Variants in SETD5 observed in about 807,000 individuals in gnomAD.
The protein encoded by SETD5 is histone-lysine N-methyltransferase SETD5.
Under a neutral mutation model 153.3 loss-of-function variants are expected in SETD5, and 44 were observed. The ratio of observed to expected loss-of-function variants is 0.29; its 90% CI spans 0.23 to 0.37. The LOEUF (loss-of-function observed/expected upper bound fraction) is 0.37, where lower values mean the gene tolerates loss of function less well. Ranked by LOEUF, SETD5 falls within the 10% of genes least tolerant of loss-of-function variation. The probability of loss-of-function intolerance (pLI) is 1.00; values close to 1 mark genes in which losing one functional copy is unlikely to be tolerated. For synonymous variants in SETD5, 716 were observed against 645.2 expected, an observed-to-expected ratio of 1.11 and a Z score of -1.66; for missense variants, 1,544 against 1,768.0, an observed-to-expected ratio of 0.87 and a Z score of 2.27.
chr3:9,441,226 G>A (rs551134337), intron 8 of SETD5, among the ~76,000 whole-genome samples: 114 of 152,198 alleles, frequency 7.5e-4, no homozygotes, highest in African/African-American at 2.6e-3. Context: ...AAAACAGAGA[G>A]AGAGATGACT....
chr3:9,447,029 A>G, intron 13 of SETD5, 21 bp from the exon 14 acceptor site: 1 of 1,587,134 alleles, frequency 6.3e-7, no homozygotes. Flanking sequence ...TTCCTTCTAC[A>G]CCAGTACTAT....
At chr3:9,413,290 G>A (rs1200998777) in intron 1 of SETD5, among the ~76,000 whole-genome samples, 3 of 152,176 alleles carry the variant, frequency 2.0e-5, no homozygotes, top group Non-Finnish European at 4.4e-5. Flanking sequence ...ATTCTGGAGA[G>A]CATTCCTGAA....
At chr3:9,440,355 A>G (rs2125168374) in intron 7 of SETD5, 101 bp from the exon 8 acceptor site, 1 of 661,160 alleles carries the variant, frequency 1.5e-6, no homozygotes, top group African/African-American at 1.8e-5. Flanking sequence ...TCAATTGCCA[A>G]GTGATAAATT....
intron 7 of SETD5, among the ~76,000 whole-genome samples, chr3:9,439,704 G>T (rs1466863081): frequency 6.6e-6 from 1 of 152,184 alleles, no homozygotes; most frequent in Admixed American, 6.5e-5. Flanking sequence ...TGTCACCATA[G>T]AGGGCAATGG....
chr3:9,447,847 G>A lies in SETD5; in HGVS notation c.1944G>A (p.Leu648=). The A allele has an allele frequency of 6.2e-7, 1 of 1,613,994 alleles. No individual in the cohort carries two copies. Among genetic ancestry groups the A allele is most frequent in the Non-Finnish European group, 8.5e-7 (1 of 1,179,898 alleles). The change falls in exon 15 of 23, where the codon TTG becomes TTA. Residue 648 remains leucine (L), a synonymous_variant. Coordinates refer to ENST00000402198, the MANE Select transcript of SETD5 (RefSeq NM_001080517.3). ...AGGCAGAATTGTCACAAGCTGCCTT[G>A]GAAGAGGGAGGAAGTAACAGTTTAG... ...AQQAELSQAA[L]EEGGSNSLVT...
intron 16 of SETD5, among the ~76,000 whole-genome samples, chr3:9,452,119 C>A (rs1486974268): frequency 6.6e-6 from 1 of 152,162 alleles, no homozygotes; most frequent in Non-Finnish European, 1.5e-5. Context: ...ATGGTAGCAT[C>A]TTTCTTCTAG....
Position 9,476,117 on chromosome 3 carries a change from C to T in SETD5, c.*26C>T. On this transcript the variant is annotated 3_prime_UTR_variant, in exon 23 of 23. Transcript: ENST00000402198. ...GGCTTCTGGATTTGGGCAAACAGAACTGAATGAGCCCATAGCTGCTTCCTT... is the reference window on the plus strand; with the variant it reads ...GGCTTCTGGATTTGGGCAAACAGAATTGAATGAGCCCATAGCTGCTTCCTT... The T allele has an allele frequency of 6.2e-7, 1 of 1,602,722 alleles. No homozygotes were observed. The highest frequency in any genetic ancestry group is 1.1e-5 in the South Asian group (1 of 89,816).
intron 17 of SETD5, among the ~76,000 whole-genome samples, chr3:9,460,663 A>C (rs1217142003): frequency 6.6e-6 from 1 of 152,152 alleles, no homozygotes; most frequent in African/African-American, 2.4e-5. Context: ...ATCTAATAAG[A>C]TAAATATATT....
chr3:9,401,122 A>G (rs1402203569), intron 1 of SETD5, among the ~76,000 whole-genome samples: 1 of 152,246 alleles, frequency 6.6e-6, no homozygotes, highest in Non-Finnish European at 1.5e-5. Context: ...TGTCATTCAC[A>G]AATGTGGCTC....
chr3:9,421,855 A>G (rs1372507591), intron 1 of SETD5, among the ~76,000 whole-genome samples: 4 of 152,122 alleles, frequency 2.6e-5, no homozygotes, highest in Non-Finnish European at 5.9e-5. Context: ...ATTTAGTAGT[A>G]TATAGAAGTA....
In SETD5 at chr3:9,475,874, C is replaced by T. The variant is rs1238145433; in HGVS notation, c.4112C>T (p.Ser1371Phe). 3 of 1,613,906 alleles carry T rather than the reference C, an allele frequency of 1.9e-6. No homozygotes were observed. In the African/African-American group the frequency reaches 4.0e-5, roughly 22 times the overall value. Residue 1371 changes from serine to phenylalanine, a missense_variant, in exon 23 of 23, where the codon TCC becomes TTC. By Grantham distance (155) the Ser-to-Phe change is radical. Coordinates refer to ENST00000402198, the MANE Select transcript of SETD5 (RefSeq NM_001080517.3). ...CAGTCCAGCACAGGAACTCTGAGTTCCACCTCCTTTCCTCAGAACTCTAGG... is the reference window on the plus strand; with the variant it reads ...CAGTCCAGCACAGGAACTCTGAGTTTCACCTCCTTTCCTCAGAACTCTAGG... ...VSQSSTGTLS[S>F]TSFPQNSRSS...
In SETD5 at chr3:9,397,846, C is replaced by T. The variant is rs2033928866; in HGVS notation, c.-308C>T. ...TCCGCCTTTCTGCCCCCCACCCCCA[C>T]CTCACGGGTACGGGCCATTCCCGGC... On this transcript the variant is annotated 5_prime_UTR_variant, in exon 1 of 23. Transcript: ENST00000402198. The T allele has an allele frequency of 6.6e-6, 1 of 150,796 alleles. No individual in the cohort carries two copies. Among genetic ancestry groups the T allele is most frequent in the African/African-American group, 2.5e-5 (1 of 40,720 alleles). 9.3% of individuals were successfully genotyped at this position (150,796 alleles called of 1,614,324 possible).
intron 1 of SETD5, among the ~76,000 whole-genome samples, chr3:9,405,765 T>G (rs1450112556): frequency 2.0e-5 from 3 of 152,208 alleles, no homozygotes; most frequent in Non-Finnish European, 4.4e-5. Flanking sequence ...GTGGATCTCC[T>G]TGCTTTCTAT....
chr3:9,445,269 C>A lies in SETD5; in HGVS notation c.1409C>A (p.Pro470Gln). 6 of 1,608,166 alleles carry A rather than the reference C, an allele frequency of 3.7e-6. No individual in the cohort carries two copies. Among genetic ancestry groups the A allele is most frequent in the Non-Finnish European group, 5.1e-6 (6 of 1,176,894 alleles). ...ENNDQQSQEVPEKVTVSSDHE... is the reference protein window; with the variant it reads ...ENNDQQSQEVQEKVTVSSDHE... ...AATGACCAGCAATCACAAGAAGTTCCAGAAAAAGTAACTGTATCCAGTGAT... is the reference window on the plus strand; with the variant it reads ...AATGACCAGCAATCACAAGAAGTTCAAGAAAAAGTAACTGTATCCAGTGAT... Residue 470 changes from proline to glutamine, a missense_variant, in exon 12 of 23, where the codon CCA becomes CAA. By Grantham distance (76) the Pro-to-Gln change is moderately conservative (BLOSUM62 -1). Coordinates refer to ENST00000402198, the MANE Select transcript of SETD5 (RefSeq NM_001080517.3).
intron 1 of SETD5, among the ~76,000 whole-genome samples, chr3:9,410,265 G>A (rs1575192831): frequency 6.6e-6 from 1 of 152,060 alleles, no homozygotes; most frequent in South Asian, 2.1e-4. Flanking sequence ...GTAAACATAC[G>A]GTATAAAAGA....
intron 18 of SETD5, among the ~76,000 whole-genome samples, chr3:9,466,149 G>A (rs1459645800): frequency 1.3e-5 from 2 of 152,030 alleles, no homozygotes; most frequent in East Asian, 1.9e-4. Context: ...TTAGCCGGGC[G>A]TGGTAGTGGG....
intron 1 of SETD5, among the ~76,000 whole-genome samples, chr3:9,416,941 T>G (rs1023515943): frequency 2.6e-5 from 4 of 152,050 alleles, no homozygotes; most frequent in Admixed American, 6.6e-5. Flanking sequence ...CCATAAAGTT[T>G]TTTTTTTTTA....
intron 1 of SETD5, among the ~76,000 whole-genome samples, chr3:9,418,066 G>C (rs1294458568): frequency 6.7e-6 from 1 of 149,318 alleles, no homozygotes; most frequent in Non-Finnish European, 1.5e-5. Context: ...TCAGCCTCCC[G>C]AATAGCTGGG....
intron 2 of SETD5, among the ~76,000 whole-genome samples, chr3:9,427,973 T>C (rs1483380875): frequency 6.6e-6 from 1 of 152,222 alleles, no homozygotes; most frequent in African/African-American, 2.4e-5. Context: ...TCCTCACCGC[T>C]TTTTCATACA....
Sources: allele counts gnomAD v4.1 joint callset (sites outside exome capture counted in the v4.1 genomes callset), GRCh38; gene constraint gnomAD v4.1.1; transcripts MANE v1.5; gene names NCBI Gene and HGNC (gene_info 2026-07-23, HGNC 2026-07-21).